Variants in RABGAP1L observed in about 807,000 individuals in gnomAD.
The protein encoded by RABGAP1L is rab GTPase-activating protein 1-like.
RABGAP1L carries 63 observed loss-of-function variants against 137.7 expected under a neutral mutation model. The ratio of observed to expected loss-of-function variants is 0.46; its 90% CI spans 0.37 to 0.56. The LOEUF (loss-of-function observed/expected upper bound fraction) is 0.56. Ranked by LOEUF, RABGAP1L falls within the 20% of genes least tolerant of loss-of-function variation. The pLI, the probability that RABGAP1L is intolerant of heterozygous loss-of-function variation, is 0.00. For missense variants in RABGAP1L, 1,095 were observed against 1,244.0 expected (o/e 0.88, Z 1.80); for synonymous variants, 431 against 433.7 (o/e 0.99, Z 0.08).
At chr1:174,966,157 G>A (rs1233594741) in intron 20 of RABGAP1L, among the ~76,000 whole-genome samples, 3 of 152,134 alleles carry the variant, frequency 2.0e-5, no homozygotes, top group Non-Finnish European at 2.9e-5. Flanking sequence ...GCATGTAATT[G>A]TAACCTGAAA....
In RABGAP1L at chr1:174,926,013, G is replaced by A. The variant is rs372124259; in HGVS notation, c.2341-31444G>A. Among the ~76,000 whole-genome samples, 24 of 150,370 alleles carry A rather than the reference G, an allele frequency of 1.6e-4. 1 individual carries two copies. The highest frequency in any genetic ancestry group is 5.6e-4 in the African/African-American group (23 of 41,102). On this transcript the variant is annotated intron_variant, in intron 19 of 25. Coordinates refer to ENST00000681986, the MANE Select transcript of RABGAP1L (RefSeq NM_001366446.1). The stretch of plus-strand genomic sequence containing the variant: ...CAAGTAGCTGGGTCTACAGGTGTGC[G>A]CCACCATACCCTGCCTATTTTTCTC...
chr1:174,840,466 G>A (rs1033547442), intron 19 of RABGAP1L, among the ~76,000 whole-genome samples: 1 of 152,076 alleles, frequency 6.6e-6, no homozygotes, highest in African/African-American at 2.4e-5. Flanking sequence ...TTATGGGATA[G>A]GATTTGTGTA....
chr1:174,979,343 ACTTATTACTTATAG>A (rs1670905080), intron 23 of RABGAP1L, among the ~76,000 whole-genome samples: 1 of 152,150 alleles, frequency 6.6e-6, no homozygotes, highest in African/African-American at 2.4e-5. Context: ...CATACTTATA[ACTTATTACTTATAG>A]CTTATTACTT....
At chr1:174,327,707 A>G (rs1680559431) in intron 11 of RABGAP1L, among the ~76,000 whole-genome samples, 1 of 151,806 alleles carries the variant, frequency 6.6e-6, no homozygotes, top group Non-Finnish European at 1.5e-5. Context: ...CAGAGTGGCT[A>G]ATGGATAGAA....
At chr1:174,584,911 T>G (rs1669006230) in intron 13 of RABGAP1L, among the ~76,000 whole-genome samples, 1 of 152,092 alleles carries the variant, frequency 6.6e-6, no homozygotes, top group Non-Finnish European at 1.5e-5. Context: ...ATGTAGCTTC[T>G]CCGTTAAAAT....
chr1:174,502,736 A>G (rs917438342), intron 13 of RABGAP1L, among the ~76,000 whole-genome samples: 2 of 151,526 alleles, frequency 1.3e-5, no homozygotes, highest in African/African-American at 4.8e-5. Flanking sequence ...ACACATATAT[A>G]TATTTATATT....
intron 19 of RABGAP1L, among the ~76,000 whole-genome samples, chr1:174,836,581 T>C (rs927922578): frequency 2.4e-4 from 36 of 152,348 alleles, no homozygotes; most frequent in African/African-American, 7.7e-4. Context: ...TTTCATAGTA[T>C]CTCTTGAGGT....
chr1:174,308,235 G>T (rs549529893), intron 11 of RABGAP1L, among the ~76,000 whole-genome samples: 1 of 151,782 alleles, frequency 6.6e-6, no homozygotes, highest in African/African-American at 2.4e-5. Context: ...TATACAGGCT[G>T]TATACATATC....
chr1:174,722,471 C>T lies in RABGAP1L; in HGVS notation c.2169+20215C>T, dbSNP rs1223979747. Among the ~76,000 whole-genome samples the T allele has an allele frequency of 4.6e-5, 7 of 150,576 alleles. No individual in the cohort carries two copies. In the East Asian group the frequency reaches 5.9e-4, roughly 13 times the overall value. On this transcript the variant is annotated intron_variant, in intron 17 of 25. Coordinates refer to ENST00000681986, the MANE Select transcript of RABGAP1L (RefSeq NM_001366446.1). ...CGCAAGCTTCTTTTTTTTTTTGAGA[C>T]GGAGTTTCACTCTTGTTGCCCAGGC...
intron 13 of RABGAP1L, among the ~76,000 whole-genome samples, chr1:174,589,691 T>C (rs1669405191): frequency 6.6e-6 from 1 of 152,188 alleles, no homozygotes; most frequent in Non-Finnish European, 1.5e-5. Context: ...TATTCAGTCT[T>C]CCCAGCACCA....
At chr1:174,689,653 C>G (rs1678734574) in intron 15 of RABGAP1L, among the ~76,000 whole-genome samples, 2 of 152,128 alleles carry the variant, frequency 1.3e-5, no homozygotes, top group Non-Finnish European at 2.9e-5. Flanking sequence ...AAGGGACTGT[C>G]TTTTGCTATA....
chr1:174,565,374 A>G (rs1271871509), intron 13 of RABGAP1L, among the ~76,000 whole-genome samples: 1 of 152,136 alleles, frequency 6.6e-6, no homozygotes, highest in African/African-American at 2.4e-5. Flanking sequence ...TCTATTCCTA[A>G]TAGAGGGGTT....
intron 1 of RABGAP1L, among the ~76,000 whole-genome samples, chr1:174,174,873 A>G (rs1426570258): frequency 6.6e-6 from 1 of 152,230 alleles, no homozygotes; most frequent in Non-Finnish European, 1.5e-5. Flanking sequence ...CTATTGATTC[A>G]AATGGCAGTC....
chr1:174,575,750 G>A (rs1458353974), intron 13 of RABGAP1L, among the ~76,000 whole-genome samples: 1 of 152,152 alleles, frequency 6.6e-6, no homozygotes, highest in Non-Finnish European at 1.5e-5. Context: ...ATGCAGCGGG[G>A]CTCTCTTTCT....
intron 14 of RABGAP1L, among the ~76,000 whole-genome samples, chr1:174,648,274 C>T (rs967612292): frequency 6.6e-6 from 1 of 151,942 alleles, no homozygotes; most frequent in African/African-American, 2.4e-5. Flanking sequence ...TCTTGCTTCC[C>T]TAGTTCTTTT....
chr1:174,971,247 A>T (rs528782843), intron 21 of RABGAP1L, among the ~76,000 whole-genome samples: 1 of 151,226 alleles, frequency 6.6e-6, no homozygotes, highest in African/African-American at 2.4e-5. Flanking sequence ...ACATTATAAT[A>T]TGCATATTAT....
rs946644181 is a variant in RABGAP1L at position 174,615,771 on chromosome 1, C to G, written c.1711-21604C>G. Among the ~76,000 whole-genome samples the G allele has an allele frequency of 9.2e-5, 14 of 152,200 alleles. No homozygotes were observed. In the East Asian group the frequency reaches 2.5e-3, roughly 27 times the overall value. ...CGGCTGCTTTGTTTACCTAAGCAAG[C>G]CTGGGCAATGGTGGGCGCCCCTCCC... On this transcript the variant is annotated intron_variant, in intron 13 of 25. Transcript: ENST00000681986.
chr1:174,169,268 G>A (rs1159653860), intron 1 of RABGAP1L, among the ~76,000 whole-genome samples: 1 of 151,652 alleles, frequency 6.6e-6, no homozygotes, highest in African/African-American at 2.4e-5. Flanking sequence ...CGCCCAGGCT[G>A]GAGTGCAGTG....
chr1:174,222,274 C>CA lies in RABGAP1L; in HGVS notation c.331+1111dup, dbSNP rs1669817376. ...CAAACCTGTAAATAAGTCACTCTGA[C>CA]AGAGGGGATGGGATTATCCTAATTG... On this transcript the variant is annotated intron_variant, in intron 3 of 25. Transcript: ENST00000681986. Among the ~76,000 whole-genome samples the CA allele has an allele frequency of 2.6e-5, 4 of 152,172 alleles. No homozygotes were observed. In the South Asian group the frequency reaches 8.3e-4, roughly 31 times the overall value.
Sources: gnomAD v4.1 joint callset for allele counts (sites outside exome capture counted in the v4.1 genomes callset) on GRCh38, gnomAD v4.1.1 for gene constraint, MANE v1.5 for transcripts, NCBI Gene and HGNC (gene_info 2026-07-23, HGNC 2026-07-21) for gene names.